Variants in PDGFRL observed in about 807,000 individuals in gnomAD.
The protein encoded by PDGFRL is platelet-derived growth factor receptor-like protein.
Under a neutral mutation model 37.2 loss-of-function variants are expected in PDGFRL, and 46 were observed. The ratio of observed to expected loss-of-function variants is 1.24; its 90% CI spans 0.98 to 1.58. PDGFRL has a LOEUF of 1.58. PDGFRL is among the 40% of genes most tolerant of loss of function. The pLI is 0.00. For missense variants in PDGFRL, 692 were observed against 467.6 expected (o/e 1.48, Z -4.43); for synonymous variants, 251 against 184.3 (o/e 1.36, Z -2.93).
At chr8:17,639,822 T>C (rs1390998183) in intron 5 of PDGFRL, among the ~76,000 whole-genome samples, 1 of 152,214 alleles carries the variant, frequency 6.6e-6, no homozygotes. Flanking sequence ...GATGTGTAGC[T>C]CTCTAGCAAG....
intron 3 of PDGFRL, among the ~76,000 whole-genome samples, chr8:17,627,347 TTAAG>T (rs147319313): frequency 0.026 from 3,971 of 152,314 alleles, 117 homozygotes; most frequent in South Asian, 0.089. Flanking sequence ...CTTGTCTACT[TTAAG>T]TAATACGTGT....
At chr8:17,580,214 T>C (rs890055136) in intron 1 of PDGFRL, among the ~76,000 whole-genome samples, 2 of 152,152 alleles carry the variant, frequency 1.3e-5, no homozygotes, top group African/African-American at 4.8e-5. Context: ...ACATTCATTA[T>C]TGTCTGAGAG....
chr8:17,611,102 C>A (rs144515458), intron 2 of PDGFRL, among the ~76,000 whole-genome samples: 1 of 152,208 alleles, frequency 6.6e-6, no homozygotes, highest in Admixed American at 6.5e-5. Flanking sequence ...GCCAAACTCT[C>A]TTTTCTCAGG....
intron 2 of PDGFRL, among the ~76,000 whole-genome samples, chr8:17,599,531 C>A (rs981887882): frequency 6.6e-6 from 1 of 152,162 alleles, no homozygotes; most frequent in Non-Finnish European, 1.5e-5. Context: ...AAACTTGCGA[C>A]CCTAAATGAC....
chr8:17,615,092 T>C (rs535671133), intron 2 of PDGFRL, among the ~76,000 whole-genome samples: 36 of 152,352 alleles, frequency 2.4e-4, no homozygotes, highest in African/African-American at 8.7e-4. Context: ...AGTCTCATCA[T>C]TGCCATCTCA....
intron 2 of PDGFRL, among the ~76,000 whole-genome samples, chr8:17,620,088 A>G (rs879100604): frequency 5.9e-5 from 9 of 152,194 alleles, no homozygotes; most frequent in Admixed American, 2.6e-4. Flanking sequence ...TTAGCCTACC[A>G]AGTAGCTAGG....
At chr8:17,628,853 G>A in intron 4 of PDGFRL, 73 bp downstream of exon 4, 1 of 995,630 alleles carries the variant, frequency 1.0e-6, no homozygotes, top group East Asian at 2.5e-5. Flanking sequence ...TTCCCTGCCT[G>A]CAGATGGAAT....
At chr8:17,605,163 A>G (rs965411776) in intron 2 of PDGFRL, among the ~76,000 whole-genome samples, 3 of 152,054 alleles carry the variant, frequency 2.0e-5, no homozygotes, top group African/African-American at 7.2e-5. Context: ...GAGGGAAGGA[A>G]GGAGGGAGAG....
At chr8:17,582,054 C>A (rs1803718887) in intron 1 of PDGFRL, among the ~76,000 whole-genome samples, 1 of 152,116 alleles carries the variant, frequency 6.6e-6, no homozygotes, top group Admixed American at 6.5e-5. Context: ...TGTGACTAAA[C>A]TGTTGATAGA....
intron 5 of PDGFRL, among the ~76,000 whole-genome samples, chr8:17,639,180 C>T (rs1805041792): frequency 6.6e-6 from 1 of 152,182 alleles, no homozygotes; most frequent in African/African-American, 2.4e-5. Flanking sequence ...CTCTTCAAAA[C>T]AGCAGATACT....
chr8:17,582,187 C>T (rs900597838), intron 1 of PDGFRL, among the ~76,000 whole-genome samples: 1 of 152,066 alleles, frequency 6.6e-6, no homozygotes, highest in Non-Finnish European at 1.5e-5. Context: ...GTGTCCATGC[C>T]CTAGGGATTT....
rs1454294132 is a variant in PDGFRL at position 17,638,757 on chromosome 8, AT to A, written c.940-3855del. Among the ~76,000 whole-genome samples, 38 of 85,928 alleles carry A rather than the reference AT, an allele frequency of 4.4e-4. 2 individuals carry two copies. Among genetic ancestry groups the A allele is most frequent in the Admixed American group, 2.7e-3 (26 of 9,458 alleles). The allele number at this position is 85,928 out of a possible 152,430, so 56.4% of individuals were successfully genotyped here. On this transcript the variant is annotated intron_variant, in intron 5 of 5. Transcript: ENST00000251630. ...TAGGTGCATATATATATATATATAT[AT>A]ATATATATATATATATATATATATA...
Position 17,642,610 on chromosome 8 carries a change from C to T in PDGFRL, c.940-3C>T, listed in dbSNP as rs17633132. The T allele has an allele frequency of 0.086, 136,400 of 1,592,496 alleles. 6,827 individuals are homozygous for T. Among genetic ancestry groups the T allele is most frequent in the Admixed American group, 0.19 (11,268 of 59,898 alleles). On this transcript the variant is annotated splice_polypyrimidine_tract_variant and splice_region_variant and intron_variant, in intron 5 of 5. Transcript: ENST00000251630. The stretch of plus-strand genomic sequence containing the variant: ...TTCAGTCTTTGTGGGTGTCGTTAAA[C>T]AGGATGAAAGGCCTGTGACGATCCA...
chr8:17,639,738 C>T (rs1388105854), intron 5 of PDGFRL, among the ~76,000 whole-genome samples: 1 of 152,164 alleles, frequency 6.6e-6, no homozygotes, highest in Non-Finnish European at 1.5e-5. Context: ...TTTAGATAAC[C>T]TGATGACTCT....
At chr8:17,578,718 C>T in intron 1 of PDGFRL, among the ~76,000 whole-genome samples, 1 of 152,192 alleles carries the variant, frequency 6.6e-6, no homozygotes, top group East Asian at 1.9e-4. Context: ...TCCATTCTGC[C>T]TCCTGGATCT....
intron 2 of PDGFRL, among the ~76,000 whole-genome samples, chr8:17,604,536 G>A (rs925106141): frequency 1.2e-4 from 18 of 151,944 alleles, no homozygotes; most frequent in Non-Finnish European, 2.2e-4. Flanking sequence ...ATTGAACAAC[G>A]AGAATGCATG....
intron 2 of PDGFRL, among the ~76,000 whole-genome samples, chr8:17,620,249 A>C (rs1173740043): frequency 6.6e-6 from 1 of 152,258 alleles, no homozygotes; most frequent in East Asian, 1.9e-4. Flanking sequence ...GGCATGAACC[A>C]CTGCCAAACA....
chr8:17,590,032 C>G (rs751194936), intron 2 of PDGFRL, among the ~76,000 whole-genome samples: 1 of 150,798 alleles, frequency 6.6e-6, no homozygotes, highest in Non-Finnish European at 1.5e-5. Flanking sequence ...GAGATCGAGG[C>G]TATCCTGGCT....
At chr8:17,617,160 A>G (rs1049005718) in intron 2 of PDGFRL, among the ~76,000 whole-genome samples, 1 of 152,062 alleles carries the variant, frequency 6.6e-6, no homozygotes, top group Non-Finnish European at 1.5e-5. Context: ...AAATTTGAAC[A>G]CTTTCACTTT....
Sources: allele counts gnomAD v4.1 joint callset (sites outside exome capture counted in the v4.1 genomes callset), GRCh38; gene constraint gnomAD v4.1.1; transcripts MANE v1.5; gene names NCBI Gene and HGNC (gene_info 2026-07-23, HGNC 2026-07-21).